TNIK: variants seen among roughly 807,000 people sequenced by gnomAD.
TNIK encodes TRAF2 and NCK interacting kinase, also known as TRAF2 and NCK-interacting protein kinase.
A neutral mutation model predicts 191.3 loss-of-function variants in TNIK; 49 were observed. The observed-to-expected ratio is 0.26, with a 90% CI of 0.20 to 0.32. The LOEUF (loss-of-function observed/expected upper bound fraction) is 0.32, where lower values mean the gene tolerates loss of function less well. Ranked by LOEUF, TNIK falls within the 10% of genes least tolerant of loss-of-function variation. The pLI is 1.00. For missense variants in TNIK, 1,155 were observed against 1,702.3 expected, an observed-to-expected ratio of 0.68 and a Z score of 5.66; for synonymous variants, 594 against 600.9, an observed-to-expected ratio of 0.99 and a Z score of 0.17.
chr3:171,063,106 T>G lies in TNIK; in HGVS notation c.*775A>C, dbSNP rs1717999788. ...GGCCAGCTCAACTCAATGGCGTTAGTATCCTGTTCAACACACTCCATTCTG... is the reference window on the plus strand; with the variant it reads ...GGCCAGCTCAACTCAATGGCGTTAGGATCCTGTTCAACACACTCCATTCTG... On this transcript the variant is annotated 3_prime_UTR_variant, in exon 33 of 33. Transcript: ENST00000436636. 1 of 152,184 alleles carries G rather than the reference T, an allele frequency of 6.6e-6. No homozygotes were observed. The highest frequency in any genetic ancestry group is 2.1e-4 in the South Asian group (1 of 4,834). 9.4% of individuals were successfully genotyped at this position (152,184 alleles called of 1,614,324 possible).
chr3:171,402,214 A>G (rs1415998825), intron 1 of TNIK, among the ~76,000 whole-genome samples: 4 of 152,250 alleles, frequency 2.6e-5, no homozygotes, highest in African/African-American at 9.6e-5. Flanking sequence ...TGCTCTCTTT[A>G]GAAAGCCCAT....
At chr3:171,419,874 T>C (rs1159142365) in intron 1 of TNIK, among the ~76,000 whole-genome samples, 3 of 152,172 alleles carry the variant, frequency 2.0e-5, no homozygotes, top group Non-Finnish European at 1.5e-5. Context: ...TGACCACAAG[T>C]TTTTAGTGGC....
intron 2 of TNIK, among the ~76,000 whole-genome samples, chr3:171,330,635 T>C (rs117379733): frequency 0.015 from 2,302 of 152,222 alleles, 56 homozygotes; most frequent in East Asian, 0.062. Flanking sequence ...ATTTTATTGT[T>C]GGGGGATTCT....
At chr3:171,174,922 C>T (rs1370743214) in intron 9 of TNIK, among the ~76,000 whole-genome samples, 3 of 152,164 alleles carry the variant, frequency 2.0e-5, no homozygotes, top group Non-Finnish European at 4.4e-5. Context: ...TAAACTATCA[C>T]CCTCTCTGAT....
chr3:171,289,139 T>C (rs1005210254), intron 2 of TNIK, among the ~76,000 whole-genome samples: 3 of 152,098 alleles, frequency 2.0e-5, no homozygotes, highest in South Asian at 4.2e-4. Flanking sequence ...AAGAAGTAGA[T>C]GAAGTGGGGG....
intron 1 of TNIK, among the ~76,000 whole-genome samples, chr3:171,370,574 G>C (rs922119018): frequency 6.6e-6 from 1 of 152,114 alleles, no homozygotes; most frequent in African/African-American, 2.4e-5. Flanking sequence ...AAATCTAGGA[G>C]TCACAAACTT....
intron 4 of TNIK, among the ~76,000 whole-genome samples, chr3:171,196,829 A>T (rs1373903243): frequency 3.3e-5 from 5 of 152,088 alleles, no homozygotes; most frequent in Admixed American, 2.0e-4. Context: ...ATCTCGGCTC[A>T]CTGCAAGCTC....
At chr3:171,193,310 T>C (rs1301651022) in intron 5 of TNIK, among the ~76,000 whole-genome samples, 1 of 152,228 alleles carries the variant, frequency 6.6e-6, no homozygotes, top group Non-Finnish European at 1.5e-5. Flanking sequence ...TGCATTTCTA[T>C]ATAATGTTTG....
intron 2 of TNIK, among the ~76,000 whole-genome samples, chr3:171,270,832 G>A (rs1203933794): frequency 1.3e-5 from 2 of 152,190 alleles, no homozygotes; most frequent in African/African-American, 2.4e-5. Context: ...AAAGGTTCCT[G>A]CTTCATAGAG....
At chr3:171,083,772 G>A (rs1720982714) in intron 26 of TNIK, among the ~76,000 whole-genome samples, 1 of 152,140 alleles carries the variant, frequency 6.6e-6, no homozygotes, top group Non-Finnish European at 1.5e-5. Context: ...ATGTGGTATG[G>A]ATCATGGAGA....
At chr3:171,273,288 G>C (rs1193369052) in intron 2 of TNIK, among the ~76,000 whole-genome samples, 1 of 152,218 alleles carries the variant, frequency 6.6e-6, no homozygotes, top group East Asian at 1.9e-4. Context: ...GTGGGTACCA[G>C]CCATAGTCTT....
intron 2 of TNIK, among the ~76,000 whole-genome samples, chr3:171,260,193 G>A (rs1747424772): frequency 6.6e-6 from 1 of 151,988 alleles, no homozygotes; most frequent in Admixed American, 6.6e-5. Context: ...CCTTAATCCT[G>A]AAGTTTCCTC....
At chr3:171,452,154 C>T (rs1380682888) in intron 1 of TNIK, among the ~76,000 whole-genome samples, 1 of 152,116 alleles carries the variant, frequency 6.6e-6, no homozygotes, top group East Asian at 1.9e-4. Context: ...GCCCTTCGTC[C>T]TATCACTCGG....
chr3:171,413,956 A>G (rs1203564121), intron 1 of TNIK, among the ~76,000 whole-genome samples: 2 of 152,184 alleles, frequency 1.3e-5, no homozygotes, highest in African/African-American at 4.8e-5. Flanking sequence ...GTGCTCAATA[A>G]TGTCAGCTAT....
At chr3:171,200,730 T>A (rs57279060) in intron 4 of TNIK, among the ~76,000 whole-genome samples, 41,146 of 152,122 alleles carry the variant, frequency 0.27, 5,853 homozygotes, top group East Asian at 0.5. Context: ...TTCCCTTTCC[T>A]GCCCTAATAA....
At chr3:171,139,909 G>T (rs878993015) in intron 13 of TNIK, among the ~76,000 whole-genome samples, 1 of 152,228 alleles carries the variant, frequency 6.6e-6, no homozygotes, top group Admixed American at 6.5e-5. Context: ...AGGCTCCTGT[G>T]CAAGCAGCAG....
chr3:171,288,624 T>C (rs1751320652), intron 2 of TNIK, among the ~76,000 whole-genome samples: 1 of 151,952 alleles, frequency 6.6e-6, no homozygotes, highest in African/African-American at 2.4e-5. Flanking sequence ...CTGGCTAACA[T>C]GGTAAAACCC....
chr3:171,329,943 G>A (rs1384461981), intron 2 of TNIK, among the ~76,000 whole-genome samples: 3 of 152,102 alleles, frequency 2.0e-5, no homozygotes, highest in East Asian at 1.9e-4. Flanking sequence ...CTTACAGTAC[G>A]ACTTTGAAAA....
chr3:171,059,855 G>A lies in TNIK; in HGVS notation c.*4026C>T, dbSNP rs1213795756. On this transcript the variant is annotated 3_prime_UTR_variant, in exon 33 of 33. Coordinates refer to ENST00000436636, the MANE Select transcript of TNIK (RefSeq NM_015028.4). ...TAAATTTTGAAGAATGAACTAAAAG[G>A]TAACTAACAAGTTAGAGACTGTTGA... Among the ~76,000 whole-genome samples the A allele has an allele frequency of 6.6e-6, 1 of 152,134 alleles. No homozygotes were observed. Among genetic ancestry groups the A allele is most frequent in the Non-Finnish European group, 1.5e-5 (1 of 68,030 alleles).
Sources: allele counts gnomAD v4.1 joint callset (sites outside exome capture counted in the v4.1 genomes callset), GRCh38; gene constraint gnomAD v4.1.1; transcripts MANE v1.5; gene names NCBI Gene and HGNC (gene_info 2026-07-23, HGNC 2026-07-21).